VSTM4: variants seen among roughly 807,000 people sequenced by gnomAD.
VSTM4 encodes the protein V-set and transmembrane domain containing 4.
A neutral mutation model predicts 36.4 loss-of-function variants in VSTM4; 20 were observed. The observed-to-expected ratio is 0.55, with a 90% CI of 0.39 to 0.80. VSTM4 has a LOEUF of 0.80. VSTM4 is among the 30% of genes least tolerant of loss of function. The pLI is 0.00. For synonymous variants in VSTM4, 182 were observed against 173.9 expected (o/e 1.05, Z -0.37); for missense variants, 392 against 404.5 (o/e 0.97, Z 0.26).
Position 49,019,513 on chromosome 10 carries a change from C to G in VSTM4, c.*137G>C, listed in dbSNP as rs536119260. 8 of 1,301,164 alleles carry G rather than the reference C, an allele frequency of 6.1e-6. No homozygotes were observed. In the Admixed American group the frequency reaches 7.9e-5, roughly 13 times the overall value. 80.6% of individuals were successfully genotyped at this position (1,301,164 alleles called of 1,614,324 possible). On this transcript the variant is annotated 3_prime_UTR_variant, in exon 8 of 8. Transcript: ENST00000332853. ...CAGGCTTGTACCTCTTCAAAGGCAC[C>G]CAGAATGCTGCTGAAAAGGGGCTCC...
chr10:49,070,957 C>T (rs377585607), intron 4 of VSTM4, among the ~76,000 whole-genome samples: 7 of 152,246 alleles, frequency 4.6e-5, no homozygotes, highest in East Asian at 1.9e-4. Flanking sequence ...CCTCCCCACC[C>T]GAGTCTGGCT....
intron 3 of VSTM4, among the ~76,000 whole-genome samples, chr10:49,083,397 C>G (rs1002122154): frequency 1.3e-5 from 2 of 152,176 alleles, no homozygotes; most frequent in Non-Finnish European, 2.9e-5. Context: ...CTGTAGCTCT[C>G]TCGTCCAGGA....
intron 7 of VSTM4, among the ~76,000 whole-genome samples, chr10:49,039,529 C>T (rs1233717275): frequency 1.3e-5 from 2 of 152,096 alleles, no homozygotes; most frequent in African/African-American, 4.8e-5. Context: ...CTATGTCTTT[C>T]GTCTGGGGCT....
chr10:49,048,356 T>C (rs1057493566), intron 6 of VSTM4, 122 bp downstream of exon 6: 1 of 888,590 alleles, frequency 1.1e-6, no homozygotes, highest in African/African-American at 1.7e-5. Flanking sequence ...ACATAATCAT[T>C]AAATGTCATG....
intron 7 of VSTM4, among the ~76,000 whole-genome samples, chr10:49,041,735 A>G (rs905176256): frequency 2.0e-5 from 3 of 152,194 alleles, no homozygotes; most frequent in East Asian, 3.8e-4. Flanking sequence ...TGATGACATT[A>G]CACCTGAGGG....
intron 2 of VSTM4, among the ~76,000 whole-genome samples, chr10:49,100,636 A>G (rs1844650365): frequency 6.6e-6 from 1 of 152,198 alleles, no homozygotes; most frequent in Admixed American, 6.5e-5. Flanking sequence ...GGATAGGAAC[A>G]TTTAAAATCA....
At chr10:49,094,100 T>C (rs1277732737) in intron 2 of VSTM4, among the ~76,000 whole-genome samples, 3 of 152,178 alleles carry the variant, frequency 2.0e-5, no homozygotes, top group African/African-American at 7.2e-5. Context: ...GTGGGGTAAG[T>C]ACACCTTACC....
intron 2 of VSTM4, among the ~76,000 whole-genome samples, chr10:49,086,939 C>T (rs1844380553): frequency 6.6e-6 from 1 of 152,176 alleles, no homozygotes; most frequent in Admixed American, 6.5e-5. Context: ...AATCTAGGAC[C>T]AGAATTGAAT....
intron 7 of VSTM4, among the ~76,000 whole-genome samples, chr10:49,028,200 C>T (rs999756631): frequency 3.1e-4 from 47 of 152,274 alleles, no homozygotes; most frequent in Non-Finnish European, 2.5e-4. Flanking sequence ...GCTGCTGAGC[C>T]AGATTAAATT....
intron 4 of VSTM4, among the ~76,000 whole-genome samples, chr10:49,072,540 G>T (rs376477612): frequency 6.6e-6 from 1 of 152,306 alleles, no homozygotes; most frequent in East Asian, 1.9e-4. Flanking sequence ...CCTTTGAGTG[G>T]TGATTTAAAG....
intron 1 of VSTM4, among the ~76,000 whole-genome samples, chr10:49,115,205 G>A (rs910549864): frequency 1.3e-5 from 2 of 152,054 alleles, no homozygotes; most frequent in African/African-American, 4.8e-5. Context: ...AGGTCGGGAC[G>A]GGGACCGCGC....
chr10:49,064,205 G>A (rs1424487958), intron 5 of VSTM4: 2 of 153,776 alleles, frequency 1.3e-5, no homozygotes, highest in Non-Finnish European at 2.9e-5. Context: ...GGAAAGAGAA[G>A]GAAGAAATTG....
intron 1 of VSTM4, among the ~76,000 whole-genome samples, chr10:49,111,923 G>A (rs1293214051): frequency 1.3e-5 from 2 of 148,982 alleles, no homozygotes; most frequent in African/African-American, 5.2e-5. Context: ...GGGGATGTGA[G>A]CTTGAGCTAA....
At chr10:49,096,619 G>A (rs952406461) in intron 2 of VSTM4, among the ~76,000 whole-genome samples, 6 of 144,940 alleles carry the variant, frequency 4.1e-5, no homozygotes, top group Non-Finnish European at 9.0e-5. Flanking sequence ...AGCCATTGAA[G>A]ACCGTGTGTG....
At chr10:49,043,694 G>A (rs1276942627) in intron 7 of VSTM4, among the ~76,000 whole-genome samples, 1 of 152,208 alleles carries the variant, frequency 6.6e-6, no homozygotes, top group Non-Finnish European at 1.5e-5. Context: ...AGCAAATAAT[G>A]ATTGTTGAAA....
intron 7 of VSTM4, among the ~76,000 whole-genome samples, chr10:49,025,794 G>A (rs142533104): frequency 0.014 from 2,111 of 152,322 alleles, 17 homozygotes; most frequent in Non-Finnish European, 0.023. Flanking sequence ...AACTGCACCC[G>A]GGGCCGAGAC....
intron 7 of VSTM4, among the ~76,000 whole-genome samples, chr10:49,034,723 T>A (rs1843401508): frequency 1.3e-5 from 2 of 150,584 alleles, no homozygotes; most frequent in South Asian, 4.2e-4. Flanking sequence ...TTCTTTATTA[T>A]TTTTTTTTGA....
chr10:49,107,480 A>C, intron 2 of VSTM4, 114 bp downstream of exon 2: 44 of 1,346,066 alleles, frequency 3.3e-5, no homozygotes, highest in East Asian at 4.9e-5. Context: ...GAGGCCCACA[A>C]GATATGTTCT....
chr10:49,074,722 T>C (rs1039567004), intron 4 of VSTM4, among the ~76,000 whole-genome samples: 3 of 152,192 alleles, frequency 2.0e-5, no homozygotes, highest in African/African-American at 7.2e-5. Flanking sequence ...TGGCTAGAGC[T>C]GTCTTGGAAG....
Sources: gnomAD v4.1 joint callset for allele counts (sites outside exome capture counted in the v4.1 genomes callset) on GRCh38, gnomAD v4.1.1 for gene constraint, MANE v1.5 for transcripts, NCBI Gene and HGNC (gene_info 2026-07-23, HGNC 2026-07-21) for gene names.